Variants in REDIC1 observed in about 807,000 individuals in gnomAD.
The protein encoded by REDIC1 is regulator of DNA class I crossover intermediates 1.
At chr12:39,699,224 C>T in the REDIC1 span, among the ~76,000 whole-genome samples, 11 of 152,226 alleles carry the variant, frequency 7.2e-5, no homozygotes, top group East Asian at 9.7e-4. Context: ...AGACAGTGGG[C>T]GCAGGTCAGT....
At chr12:39,871,677 T>A in the REDIC1 span, 1 of 1,024,796 alleles carries the variant, frequency 9.8e-7, no homozygotes, top group Non-Finnish European at 1.3e-6. Context: ...AACTCTAATT[T>A]TTTTGTTGTT....
chr12:39,750,720 A>G, the REDIC1 span, among the ~76,000 whole-genome samples: 1 of 152,220 alleles, frequency 6.6e-6, no homozygotes, highest in African/African-American at 2.4e-5. Flanking sequence ...AGAGATATAG[A>G]ACAATGGAAC....
At chr12:39,747,264 A>T in the REDIC1 span, among the ~76,000 whole-genome samples, 1 of 152,242 alleles carries the variant, frequency 6.6e-6, no homozygotes, top group East Asian at 1.9e-4. Context: ...ATGGCATGAG[A>T]ACTACATGAC....
the REDIC1 span, among the ~76,000 whole-genome samples, chr12:39,780,902 T>A: frequency 3.3e-5 from 5 of 152,176 alleles, no homozygotes; most frequent in African/African-American, 1.2e-4. Context: ...GTGGAGTGTC[T>A]CAGCAATTAT....
At chr12:39,843,872 A>T in the REDIC1 span, among the ~76,000 whole-genome samples, 8 of 152,014 alleles carry the variant, frequency 5.3e-5, no homozygotes, top group African/African-American at 1.7e-4. Flanking sequence ...TTTCTATATC[A>T]TCCTGGTTCT....
chr12:39,871,794 C>T, the REDIC1 span: 1 of 1,591,270 alleles, frequency 6.3e-7, no homozygotes, highest in South Asian at 1.2e-5. Context: ...ATCCAGCCAC[C>T]TACCTGCTAA....
chr12:39,715,153 A>T, the REDIC1 span, among the ~76,000 whole-genome samples: 25 of 151,980 alleles, frequency 1.6e-4, no homozygotes, highest in East Asian at 5.8e-4. Context: ...AATGTCTAGA[A>T]GGGTTTTTCC....
At chr12:39,735,033 G>A in the REDIC1 span, among the ~76,000 whole-genome samples, 1 of 152,170 alleles carries the variant, frequency 6.6e-6, no homozygotes, top group Admixed American at 6.5e-5. Context: ...TGCCTAGAGT[G>A]CGCTTCTTGA....
At chr12:39,847,851 G>C in the REDIC1 span, among the ~76,000 whole-genome samples, 1 of 152,032 alleles carries the variant, frequency 6.6e-6, no homozygotes, top group African/African-American at 2.4e-5. Flanking sequence ...TTCTGAAAAA[G>C]CAAGTCTACC....
At chr12:39,887,641 T>G in the REDIC1 span, among the ~76,000 whole-genome samples, 8 of 152,338 alleles carry the variant, frequency 5.3e-5, no homozygotes, top group African/African-American at 1.4e-4. Flanking sequence ...CAGCTTCTTC[T>G]ATTCCAGTGA....
the REDIC1 span, among the ~76,000 whole-genome samples, chr12:39,686,112 G>T: frequency 6.6e-6 from 1 of 152,194 alleles, no homozygotes. Flanking sequence ...GGAGCTAGGT[G>T]CAAGCTGTTG....
chr12:39,767,878 T>C, the REDIC1 span, among the ~76,000 whole-genome samples: 1 of 152,052 alleles, frequency 6.6e-6, no homozygotes, highest in Admixed American at 6.6e-5. Flanking sequence ...GAAGAGGACA[T>C]GTTTGCTTCC....
chr12:39,754,335 G>C, the REDIC1 span: 2 of 152,112 alleles, frequency 1.3e-5, no homozygotes, highest in African/African-American at 4.8e-5. Context: ...TTATTCAGGT[G>C]AGTGGACAAT....
the REDIC1 span, among the ~76,000 whole-genome samples, chr12:39,705,720 A>G: frequency 1.4e-4 from 22 of 152,132 alleles, no homozygotes; most frequent in Non-Finnish European, 2.5e-4. Context: ...ACATATGAAC[A>G]TTTCAATTGA....
the REDIC1 span, chr12:39,720,795 A>C: frequency 6.2e-7 from 1 of 1,605,716 alleles, no homozygotes; most frequent in East Asian, 2.2e-5. Context: ...AGCCATCTGA[A>C]GATGAAGATC....
chr12:39,767,528 C>G, the REDIC1 span, among the ~76,000 whole-genome samples: 1 of 152,014 alleles, frequency 6.6e-6, no homozygotes, highest in African/African-American at 2.4e-5. Flanking sequence ...AGAGACCCAG[C>G]CTGTCCTTTG....
chr12:39,697,861 C>T, the REDIC1 span, among the ~76,000 whole-genome samples: 4 of 152,012 alleles, frequency 2.6e-5, no homozygotes, highest in African/African-American at 4.8e-5. Context: ...GACCACAAAA[C>T]GGCCAAAAAA....
the REDIC1 span, among the ~76,000 whole-genome samples, chr12:39,703,578 A>C: frequency 6.6e-6 from 1 of 152,130 alleles, no homozygotes; most frequent in African/African-American, 2.4e-5. Flanking sequence ...GAATTGGAAA[A>C]AACTAAAGTT....
chr12:39,822,165 C>A, the REDIC1 span, among the ~76,000 whole-genome samples: 1 of 147,256 alleles, frequency 6.8e-6, no homozygotes, highest in Non-Finnish European at 1.5e-5. Flanking sequence ...TGAGAATATG[C>A]GGTGTTTGGT....
Sources: gnomAD v4.1 joint callset for allele counts (sites outside exome capture counted in the v4.1 genomes callset) on GRCh38, gnomAD v4.1.1 for gene constraint, MANE v1.5 for transcripts, NCBI Gene and HGNC (gene_info 2026-07-23, HGNC 2026-07-21) for gene names.